The following MRPL22 variants were observed in gnomAD, a reference collection of about 807,000 sequenced individuals.
The protein encoded by MRPL22 is mitochondrial ribosomal protein L22, also known as large ribosomal subunit protein uL22m.
In MRPL22, 27 loss-of-function variants were observed where a neutral mutation model predicts 32.4. That is an observed-to-expected ratio of 0.83 (90% CI 0.61 to 1.15). The LOEUF is 1.15. MRPL22 is among the 50% of genes most tolerant of loss of function. The pLI is 0.00. For missense variants in MRPL22, 239 were observed against 260.2 expected (o/e 0.92, Z 0.56); for synonymous variants, 86 against 87.3 (o/e 0.99, Z 0.08).
chr5:154,956,899 T>A, intron 4 of MRPL22: 1 of 456,204 alleles, frequency 2.2e-6, no homozygotes, highest in South Asian at 3.3e-5. Context: ...CTGTCATGTT[T>A]GCTGTCTTTT....
Position 154,967,054 on chromosome 5 carries a change from T to G in MRPL22, c.*157T>G. 1.2e-6 allele frequency: 1 copy of G among 867,418 alleles called. No individual in the cohort carries two copies. Among genetic ancestry groups the G allele is most frequent in the South Asian group, 1.9e-5 (1 of 53,242 alleles). 53.7% of individuals were successfully genotyped at this position (867,418 alleles called of 1,614,324 possible). A position where few individuals can be genotyped will look rare whatever the true frequency, so the allele number is the denominator to read the frequency against. ...TGAATATTTATAAGGCTTTGCCCAT[T>G]TCTTTTGAGCCTCTGGGCATATTTG... On this transcript the variant is annotated 3_prime_UTR_variant, in exon 7 of 7. Transcript: ENST00000523037. The surrounding 1 kb of genome is among the most constrained non-coding windows in gnomAD (Gnocchi z 4.7).
chr5:154,959,715 C>G (rs1764676628), intron 5 of MRPL22, among the ~76,000 whole-genome samples: 1 of 152,214 alleles, frequency 6.6e-6, no homozygotes, highest in African/African-American at 2.4e-5. Context: ...GTACTGCTTA[C>G]AAGCACCGCT....
chr5:154,966,342 T>A lies in MRPL22; in HGVS notation c.410-344T>A, dbSNP rs138350779. ...GCCTCTTGACACTCCCAGTCTGAAG[T>A]CCCTTACACCCCATCATTGTCTGTC... On this transcript the variant is annotated intron_variant, in intron 6 of 6. Coordinates refer to ENST00000523037, the MANE Select transcript of MRPL22 (RefSeq NM_014180.4). Among the ~76,000 whole-genome samples, 295 of 152,326 alleles carry A rather than the reference T, an allele frequency of 1.9e-3. 2 individuals are homozygous for A. The highest frequency in any genetic ancestry group is 6.3e-3 in the African/African-American group (263 of 41,578).
intron 3 of MRPL22, among the ~76,000 whole-genome samples, chr5:154,952,509 G>A (rs61122839): frequency 0.017 from 2,621 of 152,194 alleles, 71 homozygotes; most frequent in African/African-American, 0.06. Context: ...AGGTACTTTG[G>A]AAAACCTTAA....
chr5:154,957,103 A>G, intron 4 of MRPL22, 32 bp from the exon 5 acceptor site: 4 of 1,553,426 alleles, frequency 2.6e-6, no homozygotes, highest in Non-Finnish European at 3.5e-6. Context: ...AAACTAATTT[A>G]TTTTCTTTTG....
At chr5:154,954,535 G>A (rs554035838) in intron 3 of MRPL22, among the ~76,000 whole-genome samples, 2 of 152,036 alleles carry the variant, frequency 1.3e-5, no homozygotes, top group African/African-American at 2.4e-5. Flanking sequence ...TGCTTGATAC[G>A]TACTGAGACT....
At chr5:154,958,825 G>A (rs528788608) in intron 5 of MRPL22, among the ~76,000 whole-genome samples, 2 of 151,886 alleles carry the variant, frequency 1.3e-5, no homozygotes, top group African/African-American at 2.4e-5. Context: ...GATTACAGGC[G>A]AGAGCCACTA....
rs1047464608 is a variant in MRPL22 at position 154,941,151 on chromosome 5, T to C, written c.28+13T>C. 1.2e-5 allele frequency: 19 copies of C among 1,613,926 alleles called. 1 individual carries two copies. The highest frequency in any genetic ancestry group is 1.7e-5 in the Admixed American group (1 of 59,998). ...CTGGGACAGTTGGGTAAGGATTTCT[T>C]AGTGGTTAAGCGACAGAAGGGAGTC... On this transcript the variant is annotated intron_variant, in intron 1 of 6. Transcript: ENST00000523037.
intron 3 of MRPL22, 155 bp from the exon 4 acceptor site, chr5:154,956,216 A>C: frequency 4.8e-6 from 3 of 619,534 alleles, no homozygotes; most frequent in Non-Finnish European, 8.5e-6. Flanking sequence ...TGTAGGGGAA[A>C]ATAATCTCTA....
chr5:154,951,047 C>G, intron 3 of MRPL22, 109 bp downstream of exon 3: 1 of 709,276 alleles, frequency 1.4e-6, no homozygotes, highest in Non-Finnish European at 2.4e-6. Flanking sequence ...ACCATTCACT[C>G]TAATTGACAG....
chr5:154,944,756 G>A (rs1764465914), intron 2 of MRPL22, among the ~76,000 whole-genome samples: 1 of 152,204 alleles, frequency 6.6e-6, no homozygotes, highest in African/African-American at 2.4e-5. Context: ...AGAGGAACTT[G>A]TAGTTTTAGA....
At chr5:154,954,939 C>T (rs566500816) in intron 3 of MRPL22, among the ~76,000 whole-genome samples, 23 of 152,016 alleles carry the variant, frequency 1.5e-4, no homozygotes, top group Non-Finnish European at 3.2e-4. Context: ...CCACAGGCGC[C>T]GGCCACCATG....
intron 6 of MRPL22, among the ~76,000 whole-genome samples, chr5:154,962,670 C>T (rs1764719925): frequency 6.6e-6 from 1 of 152,188 alleles, no homozygotes; most frequent in Non-Finnish European, 1.5e-5. Context: ...AGAAAGTTCA[C>T]TTCCCTTTCA....
Position 154,969,165 on chromosome 5 carries a change from C to T in MRPL22, c.*2268C>T, listed in dbSNP as rs1311152900. On this transcript the variant is annotated 3_prime_UTR_variant, in exon 7 of 7. Transcript: ENST00000523037. ...TCCAGGGAGGGACCTGTAATCCCCA[C>T]CTAGTGACGGAGGGAGGTGATTGAT... 2.0e-5 allele frequency: 3 copies of T among 152,214 alleles called. No individual in the cohort carries two copies. The highest frequency in any genetic ancestry group is 7.2e-5 in the African/African-American group (3 of 41,454). The allele number at this position is 152,214 out of a possible 1,614,324, so 9.4% of individuals were successfully genotyped here.
Position 154,958,876 on chromosome 5 carries a change from G to A in MRPL22, c.340-1104G>A, listed in dbSNP as rs1475561143. Among the ~76,000 whole-genome samples, 93 of 151,974 alleles carry A rather than the reference G, an allele frequency of 6.1e-4. 1 individual carries two copies. Among genetic ancestry groups the A allele is most frequent in the Non-Finnish European group, 1.2e-4 (8 of 68,016 alleles). ...TCATATTTTTACAAAAATGTGTTCT[G>A]GAGGAAGTTAATTCAAAATATCTAT... is the stretch of plus-strand genomic sequence containing the variant. On this transcript the variant is annotated intron_variant, in intron 5 of 6. Transcript: ENST00000523037.
chr5:154,961,056 A>C (rs1437894764), intron 6 of MRPL22, among the ~76,000 whole-genome samples: 1 of 152,220 alleles, frequency 6.6e-6, no homozygotes. Context: ...AAAAAAAATT[A>C]TCTAAATTCT....
At position 154,941,232 on chromosome 5, in the gene MRPL22, A is replaced by G. The variant is rs769905419; in HGVS notation, c.44A>G (p.His15Arg). ...VLGQLGALWI[H>R]NLRSRGKLAL... is the part of the protein sequence containing the mutation. ...GATGTTGCAGGTGCGTTATGGATAC[A>G]TAACCTGAGGAGCCGGGGGAAGCTG... The change falls in exon 2 of 7, where the codon CAT becomes CGT. Residue 15 changes from histidine (H) to arginine (R), a missense_variant. Coordinates refer to ENST00000523037, the MANE Select transcript of MRPL22 (RefSeq NM_014180.4). The G allele has an allele frequency of 6.2e-7, 1 of 1,613,808 alleles. No individual in the cohort carries two copies.
rs1426652321 is a variant in MRPL22, at chr5:154,968,474, G to C, written c.*1577G>C. The C allele has an allele frequency of 6.6e-6, 1 of 152,202 alleles. No homozygotes were observed. The allele number at this position is 152,202 out of a possible 1,614,324, so 9.4% of individuals were successfully genotyped here. ...CATTTCATTCATTTATGAAACAAGAGACTCAATGTTCTCTGTAGAAAACCT... is the reference window on the plus strand; with the variant it reads ...CATTTCATTCATTTATGAAACAAGACACTCAATGTTCTCTGTAGAAAACCT... On this transcript the variant is annotated 3_prime_UTR_variant, in exon 7 of 7. Transcript: ENST00000523037.
intron 5 of MRPL22, 29 bp downstream of exon 5, chr5:154,957,241 G>C (rs747673113): frequency 1.3e-6 from 2 of 1,564,448 alleles, no homozygotes; most frequent in Non-Finnish European, 1.8e-6. Flanking sequence ...GTGTGGTAGG[G>C]AATGGGGAAC....
Sources: allele counts gnomAD v4.1 joint callset (sites outside exome capture counted in the v4.1 genomes callset), GRCh38; gene constraint gnomAD v4.1.1; non-coding constraint Gnocchi (gnomAD v3.1); transcripts MANE v1.5; gene names NCBI Gene and HGNC (gene_info 2026-07-23, HGNC 2026-07-21).